The following CTNND2 variants were observed in gnomAD, a reference collection of about 807,000 sequenced individuals.
CTNND2 encodes catenin delta-2.
Under a neutral mutation model 144.4 loss-of-function variants are expected in CTNND2, and 22 were observed. That is an observed-to-expected ratio of 0.15 (90% CI 0.11 to 0.22). CTNND2 has a LOEUF of 0.22. Among genes scored for constraint, CTNND2 ranks in the 10% least tolerant of loss-of-function variants. The pLI, the probability that CTNND2 is intolerant of heterozygous loss-of-function variation, is 1.00. For missense variants in CTNND2, 1,353 were observed against 1,618.8 expected (o/e 0.84, Z 2.82); for synonymous variants, 751 against 695.6 (o/e 1.08, Z -1.25).
intron 13 of CTNND2, among the ~76,000 whole-genome samples, chr5:11,112,332 G>A (rs776944329): frequency 2.0e-5 from 3 of 152,208 alleles, no homozygotes; most frequent in Non-Finnish European, 4.4e-5. Context: ...ACAGTGATGT[G>A]ATGTGAGAAG....
intron 2 of CTNND2, among the ~76,000 whole-genome samples, chr5:11,625,080 A>G (rs562763176): frequency 1.3e-5 from 2 of 152,246 alleles, no homozygotes; most frequent in East Asian, 3.9e-4. Flanking sequence ...ATATGACCAC[A>G]TGGCTGAAAC....
intron 2 of CTNND2, among the ~76,000 whole-genome samples, chr5:11,684,799 C>A (rs914679587): frequency 6.6e-6 from 1 of 152,156 alleles, no homozygotes; most frequent in Non-Finnish European, 1.5e-5. Context: ...CTGTACTACT[C>A]GAGGATTTTA....
chr5:11,681,368 T>C (rs1402947516), intron 2 of CTNND2, among the ~76,000 whole-genome samples: 2 of 152,176 alleles, frequency 1.3e-5, no homozygotes, highest in African/African-American at 2.4e-5. Context: ...CTGAACATAA[T>C]AAAAGCATTC....
intron 2 of CTNND2, among the ~76,000 whole-genome samples, chr5:11,640,401 C>G (rs1318502109): frequency 6.6e-6 from 1 of 152,220 alleles, no homozygotes; most frequent in East Asian, 1.9e-4. Flanking sequence ...TGAACATTTC[C>G]TTAGCAATTA....
chr5:11,383,919 C>T (rs913495336), intron 7 of CTNND2, among the ~76,000 whole-genome samples: 7 of 152,182 alleles, frequency 4.6e-5, no homozygotes, highest in African/African-American at 1.4e-4. Flanking sequence ...ACGGGCATAA[C>T]GACCACAGAA....
At chr5:11,419,024 ATC>A (rs1762133210) in intron 3 of CTNND2, among the ~76,000 whole-genome samples, 1 of 145,018 alleles carries the variant, frequency 6.9e-6, no homozygotes, top group Non-Finnish European at 1.5e-5. Flanking sequence ...ATAGATGTCT[ATC>A]TATATATAGA....
At chr5:11,048,854 G>T (rs962749999) in intron 16 of CTNND2, among the ~76,000 whole-genome samples, 1 of 152,190 alleles carries the variant, frequency 6.6e-6, no homozygotes, top group Non-Finnish European at 1.5e-5. Flanking sequence ...ACAAGATCTG[G>T]AGCCGGGTTC....
chr5:11,641,973 G>C (rs566915572), intron 2 of CTNND2, among the ~76,000 whole-genome samples: 1 of 151,626 alleles, frequency 6.6e-6, no homozygotes, highest in Non-Finnish European at 1.5e-5. Flanking sequence ...TTTTCTTTAC[G>C]GTGCATAACA....
At chr5:11,484,011 T>C (rs1030652642) in intron 3 of CTNND2, among the ~76,000 whole-genome samples, 4 of 152,162 alleles carry the variant, frequency 2.6e-5, no homozygotes, top group Admixed American at 6.5e-5. Context: ...CAGTCAACAA[T>C]AGAGGCACAA....
chr5:11,755,212 C>A (rs931226127), intron 1 of CTNND2, among the ~76,000 whole-genome samples: 4 of 151,704 alleles, frequency 2.6e-5, no homozygotes, highest in African/African-American at 9.7e-5. Flanking sequence ...TTTAGTTTGA[C>A]TGGATATGAA....
At chr5:11,429,255 C>T (rs1229085158) in intron 3 of CTNND2, among the ~76,000 whole-genome samples, 2 of 152,212 alleles carry the variant, frequency 1.3e-5, no homozygotes, top group South Asian at 2.1e-4. Context: ...CCTAATTAAG[C>T]CCATTGCCAT....
At chr5:11,137,476 A>T (rs1461122480) in intron 12 of CTNND2, among the ~76,000 whole-genome samples, 1 of 152,208 alleles carries the variant, frequency 6.6e-6, no homozygotes, top group Admixed American at 6.5e-5. Context: ...ATATTCAAGA[A>T]CAAGGTTAAT....
At chr5:11,128,531 G>A (rs987401479) in intron 12 of CTNND2, among the ~76,000 whole-genome samples, 2 of 150,150 alleles carry the variant, frequency 1.3e-5, no homozygotes, top group Non-Finnish European at 2.9e-5. Flanking sequence ...AGCAGCAAGA[G>A]GAAACTCACA....
At chr5:11,434,274 A>G (rs1397577450) in intron 3 of CTNND2, among the ~76,000 whole-genome samples, 2 of 152,214 alleles carry the variant, frequency 1.3e-5, no homozygotes. Context: ...AACGAGCAAA[A>G]CTAATCCATG....
At chr5:11,304,961 CT>C (rs1258768463) in intron 9 of CTNND2, among the ~76,000 whole-genome samples, 39 of 151,978 alleles carry the variant, frequency 2.6e-4, no homozygotes, top group Non-Finnish European at 2.4e-4. Context: ...TCCTTGCTTG[CT>C]TGCTTGCTTG....
chr5:11,312,436 AGCG>A (rs1561200818), intron 9 of CTNND2, among the ~76,000 whole-genome samples: 1 of 152,074 alleles, frequency 6.6e-6, no homozygotes, highest in Non-Finnish European at 1.5e-5. Context: ...CTTACATGGC[AGCG>A]GCAAGAGAAA....
chr5:11,578,354 T>C (rs1470239722), intron 2 of CTNND2, among the ~76,000 whole-genome samples: 1 of 152,144 alleles, frequency 6.6e-6, no homozygotes, highest in East Asian at 1.9e-4. Flanking sequence ...TAAACTATAA[T>C]CCATTTATGT....
At chr5:11,150,653 GTTTTGC>G (rs1199460533) in intron 12 of CTNND2, among the ~76,000 whole-genome samples, 1 of 98,320 alleles carries the variant, frequency 1.0e-5, no homozygotes, top group East Asian at 3.4e-4. Flanking sequence ...TTGACGGGGA[GTTTTGC>G]TCTTGTCGCC....
chr5:11,284,613 G>A lies in CTNND2; in HGVS notation c.1629-47790C>T, dbSNP rs146369899. On this transcript the variant is annotated intron_variant, in intron 9 of 21. Coordinates refer to ENST00000304623, the MANE Select transcript of CTNND2 (RefSeq NM_001332.4). ...TGATCTTGTTCCTTTTTATGGCTGC[G>A]TAGTATTCTATGGTGTATATGTACC... 8.5e-5 allele frequency among the ~76,000 whole-genome samples: 13 copies of A among 152,214 alleles called. No homozygotes were observed. The South Asian group carries it at 1.7e-3, about 19-fold the overall frequency.
Sources: allele counts gnomAD v4.1 joint callset (sites outside exome capture counted in the v4.1 genomes callset), GRCh38; gene constraint gnomAD v4.1.1; transcripts MANE v1.5; gene names NCBI Gene and HGNC (gene_info 2026-07-23, HGNC 2026-07-21).